The following EIF4G3 variants were observed in gnomAD, a reference collection of about 807,000 sequenced individuals.
The protein encoded by EIF4G3 is eukaryotic translation initiation factor 4 gamma 3.
In EIF4G3, 34 loss-of-function variants were observed where a neutral mutation model predicts 186.4. The ratio of observed to expected loss-of-function variants is 0.18; its 90% CI spans 0.14 to 0.24. The LOEUF (loss-of-function observed/expected upper bound fraction) is 0.24, where lower values mean the gene tolerates loss of function less well. EIF4G3 is among the 10% of genes least tolerant of loss of function. EIF4G3 has a pLI of 1.00. For missense variants in EIF4G3, 1,536 were observed against 1,948.5 expected (o/e 0.79, Z 3.99); for synonymous variants, 673 against 679.5 (o/e 0.99, Z 0.15).
intron 34 of EIF4G3, among the ~76,000 whole-genome samples, chr1:20,816,908 T>C (rs1309219944): frequency 2.2e-4 from 29 of 130,326 alleles, no homozygotes; most frequent in Non-Finnish European, 3.6e-4. Context: ...AGAAAAATTC[T>C]TCTGCCTTGG....
chr1:20,895,620 C>A, intron 16 of EIF4G3, 119 bp from the exon 17 acceptor site: 1 of 1,104,256 alleles, frequency 9.1e-7, no homozygotes, highest in Non-Finnish European at 1.3e-6. Context: ...AACATTATAG[C>A]CCATAAGGCT....
chr1:21,023,910 G>A (rs554542377), intron 4 of EIF4G3, among the ~76,000 whole-genome samples: 21 of 124,764 alleles, frequency 1.7e-4, no homozygotes, highest in Admixed American at 5.6e-4. Context: ...CTGCCCCGCC[G>A]CCCCATCTGG....
Position 20,981,178 on chromosome 1 carries a change from C to T in EIF4G3, c.248G>A (p.Ser83Asn), listed in dbSNP as rs747548486. The T allele has an allele frequency of 3.1e-6, 5 of 1,613,238 alleles. No individual in the cohort carries two copies. The highest frequency in any genetic ancestry group is 4.2e-6 in the Non-Finnish European group (5 of 1,179,774). ...IQPPRATIPN[S>N]SPSIRPGAQT... ...TGCACCAGGACGAATGGAAGGACTGCTGTTCGGGATGGTAGCTCTAGGAGG... is the reference window on the plus strand; with the variant it reads ...TGCACCAGGACGAATGGAAGGACTGTTGTTCGGGATGGTAGCTCTAGGAGG... Residue 83 changes from serine to asparagine, a missense_variant, in exon 9 of 37, where the codon AGC (serine) becomes AAC (asparagine). Ser to Asn is a conservative substitution (Grantham distance 46). Transcript: ENST00000602326.
chr1:20,942,593 A>G (rs2095762850), intron 13 of EIF4G3, among the ~76,000 whole-genome samples: 1 of 152,206 alleles, frequency 6.6e-6, no homozygotes, highest in African/African-American at 2.4e-5. Context: ...TCAAGAATAC[A>G]ACTGAAAAGC....
At chr1:20,847,049 G>C (rs920524399) in intron 29 of EIF4G3, among the ~76,000 whole-genome samples, 1 of 152,180 alleles carries the variant, frequency 6.6e-6, no homozygotes, top group African/African-American at 2.4e-5. Flanking sequence ...AAGGTAATGA[G>C]ATAAAGCATT....
intron 4 of EIF4G3, among the ~76,000 whole-genome samples, chr1:21,023,359 A>G (rs992918075): frequency 6.7e-6 from 1 of 149,466 alleles, no homozygotes; most frequent in Non-Finnish European, 1.5e-5. Context: ...GGCTCACTGC[A>G]ACCTCCCTGC....
At chr1:20,975,209 A>G (rs937084949) in intron 10 of EIF4G3, among the ~76,000 whole-genome samples, 1 of 152,206 alleles carries the variant, frequency 6.6e-6, no homozygotes, top group African/African-American at 2.4e-5. Context: ...CAGAACTCAA[A>G]TTAGCAATTA....
chr1:21,048,826 G>A (rs2094043520), intron 4 of EIF4G3, among the ~76,000 whole-genome samples: 1 of 152,108 alleles, frequency 6.6e-6, no homozygotes, highest in Non-Finnish European at 1.5e-5. Flanking sequence ...CCCAGGGTAG[G>A]GGTAGCAGTC....
chr1:20,958,729 A>C (rs945914296), intron 12 of EIF4G3, among the ~76,000 whole-genome samples: 2 of 152,204 alleles, frequency 1.3e-5, no homozygotes, highest in African/African-American at 4.8e-5. Context: ...ATGTACACAA[A>C]TCAGTAGCAC....
intron 18 of EIF4G3, chr1:20,893,172 T>A (rs2086729969): frequency 5.2e-6 from 1 of 191,488 alleles, no homozygotes; most frequent in Non-Finnish European, 1.1e-5. Context: ...CCTCAAGTGA[T>A]CCTCCTGCCT....
chr1:20,983,844 A>G (rs1261696067), intron 7 of EIF4G3, among the ~76,000 whole-genome samples: 2 of 152,196 alleles, frequency 1.3e-5, no homozygotes, highest in Non-Finnish European at 2.9e-5. Context: ...CGGGGTGGTA[A>G]GGAGAGGAGA....
intron 2 of EIF4G3, among the ~76,000 whole-genome samples, chr1:21,097,020 G>A (rs529523048): frequency 8.5e-5 from 13 of 152,154 alleles, no homozygotes; most frequent in Admixed American, 2.0e-4. Context: ...ACTGTACACC[G>A]AAAAATGATT....
chr1:20,909,395 A>G (rs1276862648), intron 14 of EIF4G3, among the ~76,000 whole-genome samples: 1 of 152,228 alleles, frequency 6.6e-6, no homozygotes, highest in African/African-American at 2.4e-5. Flanking sequence ...AATGTTACAC[A>G]GTAAGTACAA....
chr1:20,870,474 C>A (rs2078895481), intron 20 of EIF4G3, among the ~76,000 whole-genome samples: 1 of 152,102 alleles, frequency 6.6e-6, no homozygotes, highest in South Asian at 2.1e-4. Context: ...TTCATTCAGG[C>A]ATTTACCTAC....
At chr1:20,926,072 ATATCT>A (rs1246110618) in intron 14 of EIF4G3, among the ~76,000 whole-genome samples, 2 of 152,220 alleles carry the variant, frequency 1.3e-5, no homozygotes, top group Non-Finnish European at 2.9e-5. Flanking sequence ...TCATATAAAA[ATATCT>A]TATTTTAGTA....
chr1:20,882,176 TACACACACACACAC>T (rs138208807), intron 19 of EIF4G3, among the ~76,000 whole-genome samples: 15 of 86,956 alleles, frequency 1.7e-4, no homozygotes, highest in Admixed American at 5.4e-4. Flanking sequence ...AAAGAAAAAT[TACACACACACACAC>T]ACACACACAC....
chr1:21,126,653 C>T (rs1185332081), intron 2 of EIF4G3, among the ~76,000 whole-genome samples: 4 of 151,134 alleles, frequency 2.6e-5, no homozygotes, highest in Non-Finnish European at 5.9e-5. Context: ...CAGAATCAGA[C>T]CCTTTAAAAA....
Position 20,899,878 on chromosome 1 carries a change from C to T in EIF4G3, c.1818G>A (p.Gln606=). The T allele has an allele frequency of 1.2e-6, 2 of 1,614,074 alleles. No homozygotes were observed. Among genetic ancestry groups the T allele is most frequent in the Non-Finnish European group, 1.7e-6 (2 of 1,179,986 alleles). ...AGGGGTCTCTTTCAGGATGAAACCC[C>T]TGGCTCATTTTATCTTGTTCAGATT... ...VLESEQDKMS[Q]GFHPERDPSD... is the part of the protein sequence containing the mutation. The change falls in exon 16 of 37, where the codon CAG becomes CAA. Residue 606 remains glutamine (Q), a synonymous_variant. Coordinates refer to ENST00000602326, the MANE Select transcript of EIF4G3 (RefSeq NM_001391906.1).
intron 2 of EIF4G3, among the ~76,000 whole-genome samples, chr1:21,116,352 A>T (rs2102278415): frequency 6.6e-6 from 1 of 152,294 alleles, no homozygotes; most frequent in Admixed American, 6.5e-5. Flanking sequence ...TACAATTTTG[A>T]AAGTTCTATT....
Sources: allele counts gnomAD v4.1 joint callset (sites outside exome capture counted in the v4.1 genomes callset), GRCh38; gene constraint gnomAD v4.1.1; transcripts MANE v1.5; gene names NCBI Gene and HGNC (gene_info 2026-07-23, HGNC 2026-07-21).